The following GALNT10 variants were observed in gnomAD, a reference collection of about 807,000 sequenced individuals.
GALNT10 encodes polypeptide N-acetylgalactosaminyltransferase 10.
GALNT10 carries 41 observed loss-of-function variants against 75.0 expected under a neutral mutation model. The observed-to-expected ratio is 0.55, with a 90% CI of 0.43 to 0.71. The LOEUF (loss-of-function observed/expected upper bound fraction) is 0.71. Ranked by LOEUF, GALNT10 falls within the 30% of genes least tolerant of loss-of-function variation. The pLI is 0.00. For missense variants in GALNT10, 727 were observed against 818.5 expected (o/e 0.89, Z 1.36); for synonymous variants, 302 against 313.0 (o/e 0.96, Z 0.37).
intron 4 of GALNT10, among the ~76,000 whole-genome samples, chr5:154,356,808 G>A (rs572321941): frequency 5.3e-5 from 8 of 152,294 alleles, no homozygotes; most frequent in South Asian, 4.1e-4. Flanking sequence ...GGGCTACAGA[G>A]GCCAAACCAA....
In GALNT10 at chr5:154,190,951, G is replaced by T; in HGVS notation, c.85G>T (p.Ala29Ser). The change falls in exon 1 of 12, where the codon GCG (alanine) becomes TCG (serine). Residue 29 changes from alanine to serine, a missense_variant. Coordinates refer to ENST00000297107, the MANE Select transcript of GALNT10 (RefSeq NM_198321.4). ...CCTCCTGCCCAACGTGGGGCTTTGGGCGCTGTACCGCGAGCGGCAGCCCGA... is the reference window on the plus strand; with the variant it reads ...CCTCCTGCCCAACGTGGGGCTTTGGTCGCTGTACCGCGAGCGGCAGCCCGA... The part of the protein sequence containing the change: ...LVLLPNVGLW[A>S]LYRERQPDGT... 1 of 1,510,532 alleles carries T rather than the reference G, an allele frequency of 6.6e-7. No homozygotes were observed. 93.6% of individuals were successfully genotyped at this position (1,510,532 alleles called of 1,614,324 possible).
At chr5:154,386,972 C>A (rs1755817646) in intron 7 of GALNT10, 1 of 161,518 alleles carries the variant, frequency 6.2e-6, no homozygotes. Context: ...CAAGTTAGAT[C>A]ACCCCCCCGA....
Position 154,376,537 on chromosome 5 carries a change from G to GAGCCATCCATA in GALNT10, c.754+80_754+90dup, listed in dbSNP as rs1251981092. ...GCCAGTGGCCCCCTCCTGCTGCAGG[G>GAGCCATCCATA]AGCCATCCATAAGCCTTCCCTTGCC... is the stretch of plus-strand genomic sequence containing the variant. On this transcript the variant is annotated intron_variant, in intron 5 of 11. Transcript: ENST00000297107. The surrounding 1 kb of genome is among the most constrained non-coding windows in gnomAD (Gnocchi z 4.1). 2 of 1,100,392 alleles carry GAGCCATCCATA rather than the reference G, an allele frequency of 1.8e-6. No homozygotes were observed. The highest frequency in any genetic ancestry group is 2.6e-6 in the Non-Finnish European group (2 of 768,260). 68.2% of individuals were successfully genotyped at this position (1,100,392 alleles called of 1,614,324 possible). A position where few individuals can be genotyped will look rare whatever the true frequency, so the allele number is the denominator to read the frequency against.
rs1292844832 is a variant in GALNT10 at position 154,412,116 on chromosome 5, ACT to A, written c.1387-768_1387-767del. On this transcript the variant is annotated intron_variant, in intron 9 of 11. Coordinates refer to ENST00000297107, the MANE Select transcript of GALNT10 (RefSeq NM_198321.4). The surrounding 1 kb of genome is among the most constrained non-coding windows in gnomAD (Gnocchi z 4.2). The stretch of plus-strand genomic sequence containing the variant: ...GAATACAGGATCTGGGTGCAATGAG[ACT>A]CTCTGCAACAGGAAATTGGGTGGTG... 6.6e-6 allele frequency among the ~76,000 whole-genome samples: 1 copy of A among 151,834 alleles called. No individual in the cohort carries two copies. The highest frequency in any genetic ancestry group is 2.4e-5 in the African/African-American group (1 of 41,330).
chr5:154,306,916 A>G (rs371286122), intron 3 of GALNT10, among the ~76,000 whole-genome samples: 1 of 152,344 alleles, frequency 6.6e-6, no homozygotes, highest in African/African-American at 2.4e-5. Context: ...CACTCCACCA[A>G]TAAGAGCAGA....
chr5:154,384,585 C>T (rs949854723), intron 6 of GALNT10, among the ~76,000 whole-genome samples: 1 of 152,192 alleles, frequency 6.6e-6, no homozygotes, highest in African/African-American at 2.4e-5. Flanking sequence ...CCAGTGGCTT[C>T]CTTCCTGGGT....
At position 154,329,640 on chromosome 5, in the gene GALNT10, G is replaced by T; in HGVS notation, c.470G>T (p.Gly157Val). ...ATCATCATCCCCTTCCACAACGAGG[G>T]CTGGTCCTCCCTCCTCCGCACCGTC... ...TSIIIPFHNE[G>V]WSSLLRTVHS... The change falls in exon 4 of 12, where the codon GGC becomes GTC. Residue 157 changes from glycine to valine, a missense_variant. Physicochemically the swap from Gly to Val is moderately radical, Grantham distance 109. Coordinates refer to ENST00000297107, the MANE Select transcript of GALNT10 (RefSeq NM_198321.4). 1 of 1,613,464 alleles carries T rather than the reference G, an allele frequency of 6.2e-7. No homozygotes were observed. Among genetic ancestry groups the T allele is most frequent in the Non-Finnish European group, 8.5e-7 (1 of 1,179,478 alleles).
At position 154,260,577 on chromosome 5, in the gene GALNT10, A is replaced by T. The variant is rs981699821; in HGVS notation, c.160-34239A>T. 6.6e-5 allele frequency among the ~76,000 whole-genome samples: 10 copies of T among 152,200 alleles called. 1 individual carries two copies. The highest frequency in any genetic ancestry group is 6.5e-4 in the Admixed American group (10 of 15,272). On this transcript the variant is annotated intron_variant, in intron 1 of 11. Transcript: ENST00000297107. Reference sequence around the variant, plus strand: ...AAATGAATGCAAATGTTTCTAACAAAGTTTTATAATCATTCATTTTAAACA... The same window carrying T: ...AAATGAATGCAAATGTTTCTAACAATGTTTTATAATCATTCATTTTAAACA...
intron 1 of GALNT10, among the ~76,000 whole-genome samples, chr5:154,259,083 T>G (rs1260250163): frequency 6.6e-6 from 1 of 152,218 alleles, no homozygotes; most frequent in African/African-American, 2.4e-5. Flanking sequence ...CCGATTTTAT[T>G]TGAATATCAG....
chr5:154,200,199 T>C (rs1046527562), intron 1 of GALNT10, among the ~76,000 whole-genome samples: 2 of 152,156 alleles, frequency 1.3e-5, no homozygotes, highest in African/African-American at 2.4e-5. Flanking sequence ...TTCAGCTGAA[T>C]ACCCAGGCAG....
At chr5:154,414,777 CA>C (rs1231776833) in intron 10 of GALNT10, among the ~76,000 whole-genome samples, 1 of 152,080 alleles carries the variant, frequency 6.6e-6, no homozygotes, top group Admixed American at 6.5e-5. Context: ...TGAAAAGTAA[CA>C]AAGGTTATCA....
At chr5:154,222,962 A>G (rs539241285) in intron 1 of GALNT10, among the ~76,000 whole-genome samples, 1 of 152,322 alleles carries the variant, frequency 6.6e-6, no homozygotes, top group African/African-American at 2.4e-5. Flanking sequence ...GTTTCCAGGG[A>G]TAAGTAAGAC....
At chr5:154,229,932 G>A (rs1028263652) in intron 1 of GALNT10, among the ~76,000 whole-genome samples, 1 of 152,188 alleles carries the variant, frequency 6.6e-6, no homozygotes, top group Non-Finnish European at 1.5e-5. Flanking sequence ...TGGTCCAACA[G>A]CCATCTGTGG....
At chr5:154,303,150 G>A (rs559385430) in intron 3 of GALNT10, among the ~76,000 whole-genome samples, 2 of 152,276 alleles carry the variant, frequency 1.3e-5, no homozygotes, top group East Asian at 1.9e-4. Context: ...TGAAACACTG[G>A]TTTTTAAGAC....
Position 154,416,067 on chromosome 5 carries a change from G to A in GALNT10, c.1653+135G>A, listed in dbSNP as rs1041229519. The stretch of plus-strand genomic sequence containing the variant: ...CAAACCTACCATGCCGGATTTTGTA[G>A]TCATTCAAGAGTAGTCAGAAATCTA... On this transcript the variant is annotated intron_variant, in intron 11 of 11. Transcript: ENST00000297107. The surrounding 1 kb of genome is among the most constrained non-coding windows in gnomAD (Gnocchi z 4.5). The A allele has an allele frequency of 2.5e-6, 2 of 786,438 alleles. No homozygotes were observed. The highest frequency in any genetic ancestry group is 3.5e-5 in the African/African-American group (2 of 57,312). 48.7% of individuals were successfully genotyped at this position (786,438 alleles called of 1,614,324 possible).
At chr5:154,220,375 G>A (rs1371005876) in intron 1 of GALNT10, 1 of 152,180 alleles carries the variant, frequency 6.6e-6, no homozygotes, top group Non-Finnish European at 1.5e-5. Context: ...GGACAAAATG[G>A]GAAGGAAGAA....
rs1206631618 is a variant in GALNT10, at chr5:154,376,551, C to G, written c.754+89C>G. On this transcript the variant is annotated intron_variant, in intron 5 of 11. Coordinates refer to ENST00000297107, the MANE Select transcript of GALNT10 (RefSeq NM_198321.4). This position sits in a 1 kb window ranked among gnomAD's most constrained non-coding sequence, Gnocchi z 4.1. Reference sequence around the variant, plus strand: ...CCTGCTGCAGGGAGCCATCCATAAGCCTTCCCTTGCCTGTTCGAGATGCCC... The same window carrying G: ...CCTGCTGCAGGGAGCCATCCATAAGGCTTCCCTTGCCTGTTCGAGATGCCC... 6 of 876,192 alleles carry G rather than the reference C, an allele frequency of 6.8e-6. No individual in the cohort carries two copies. Among genetic ancestry groups the G allele is most frequent in the Non-Finnish European group, 1.0e-5 (6 of 575,376 alleles). The allele number at this position is 876,192 out of a possible 1,614,324, so 54.3% of individuals were successfully genotyped here.
chr5:154,407,232 C>T (rs1161146681), intron 8 of GALNT10, among the ~76,000 whole-genome samples: 2 of 152,160 alleles, frequency 1.3e-5, no homozygotes, highest in South Asian at 4.2e-4. Context: ...GACTGGGACT[C>T]GGAAGTAGGA....
intron 1 of GALNT10, chr5:154,219,701 A>G (rs1337514823): frequency 6.6e-6 from 1 of 151,972 alleles, no homozygotes; most frequent in African/African-American, 2.4e-5. Context: ...GGTGATTATA[A>G]TGCAAATTTG....
Sources: gnomAD v4.1 joint callset for allele counts (sites outside exome capture counted in the v4.1 genomes callset) on GRCh38, gnomAD v4.1.1 for gene constraint, Gnocchi (gnomAD v3.1) non-coding constraint, MANE v1.5 for transcripts, NCBI Gene and HGNC (gene_info 2026-07-23, HGNC 2026-07-21) for gene names.